Variants in DACH2 observed in about 807,000 individuals in gnomAD.
The protein encoded by DACH2 is dachshund family transcription factor 2.
Under a neutral mutation model 35.8 loss-of-function variants are expected in DACH2, and 17 were observed. The ratio of observed to expected loss-of-function variants is 0.48; its 90% CI spans 0.33 to 0.71. The LOEUF is 0.71. Among genes scored for constraint, DACH2 ranks in the 30% least tolerant of loss-of-function variants. DACH2 has a pLI of 0.02. For missense variants in DACH2, 469 were observed against 472.7 expected, an observed-to-expected ratio of 0.99 and a Z score of 0.07; for synonymous variants, 195 against 177.3, an observed-to-expected ratio of 1.10 and a Z score of -0.79.
intron 2 of DACH2, among the ~76,000 whole-genome samples, chrX:86,388,131 G>C (rs1242574195): frequency 8.9e-6 from 1 of 111,966 alleles, no homozygotes; most frequent in Non-Finnish European, 1.9e-5. Context: ...AGAAGAAGAG[G>C]AGCACCTGTG....
intron 2 of DACH2, among the ~76,000 whole-genome samples, chrX:86,489,492 T>C (rs2038064838): frequency 9.0e-6 from 1 of 111,145 alleles, no homozygotes; most frequent in Non-Finnish European, 1.9e-5. Flanking sequence ...ATATACTGTA[T>C]ACTTGAAAAT....
chrX:86,403,453 A>C (rs1180716517), intron 2 of DACH2, among the ~76,000 whole-genome samples: 2 of 112,207 alleles, frequency 1.8e-5, no homozygotes, highest in Non-Finnish European at 3.8e-5. Flanking sequence ...AGAGAAGTGC[A>C]AATCAAAACC....
chrX:86,579,741 AGT>A (rs2039479235), intron 3 of DACH2, among the ~76,000 whole-genome samples: 1 of 112,249 alleles, frequency 8.9e-6, no homozygotes, highest in African/African-American at 3.2e-5. Flanking sequence ...TTTTGCATAA[AGT>A]GTAAGGTTTA....
intron 3 of DACH2, among the ~76,000 whole-genome samples, chrX:86,588,927 C>T (rs772301381): frequency 5.0e-4 from 56 of 111,559 alleles, no homozygotes; most frequent in Non-Finnish European, 7.5e-4. Context: ...AGCTTGCATC[C>T]TCATGTTGTT....
intron 1 of DACH2, among the ~76,000 whole-genome samples, chrX:86,290,192 A>C (rs1260474831): frequency 1.3e-5 from 1 of 78,132 alleles, no homozygotes; most frequent in African/African-American, 5.3e-5. Flanking sequence ...GCATTTTTTC[A>C]TGTGTTTTTT....
At chrX:86,255,452 G>A (rs1439197968) in intron 1 of DACH2, among the ~76,000 whole-genome samples, 1 of 111,696 alleles carries the variant, frequency 9.0e-6, no homozygotes. Flanking sequence ...ATGAGATTCG[G>A]TTAGAAGAAG....
chrX:86,332,833 T>C, intron 1 of DACH2, among the ~76,000 whole-genome samples: 1 of 112,109 alleles, frequency 8.9e-6, no homozygotes, highest in Admixed American at 9.5e-5. Context: ...ACAAGTTTGT[T>C]TCATCTCACC....
At chrX:86,475,282 G>C (rs765786079) in intron 2 of DACH2, among the ~76,000 whole-genome samples, 16 of 111,412 alleles carry the variant, frequency 1.4e-4, no homozygotes, top group Non-Finnish European at 2.4e-4. Context: ...GCTTAGGGTA[G>C]TATGGACAAC....
chrX:86,199,075 G>T (rs1602276555), intron 1 of DACH2, among the ~76,000 whole-genome samples: 1 of 110,852 alleles, frequency 9.0e-6, no homozygotes, highest in African/African-American at 3.3e-5. Flanking sequence ...CCATGATCAA[G>T]TATGCTTTAT....
chrX:86,812,219 A>T (rs1368528062), intron 7 of DACH2, among the ~76,000 whole-genome samples: 1 of 112,072 alleles, frequency 8.9e-6, no homozygotes, highest in Non-Finnish European at 1.9e-5. Flanking sequence ...GTATCGTAGG[A>T]TTCTATTTAT....
intron 1 of DACH2, among the ~76,000 whole-genome samples, chrX:86,365,414 A>G (rs2035793277): frequency 9.0e-6 from 1 of 110,896 alleles, no homozygotes; most frequent in South Asian, 3.8e-4. Flanking sequence ...GAATACAATC[A>G]TCTTTAGGGA....
At chrX:86,466,438 A>G (rs777195733) in intron 2 of DACH2, among the ~76,000 whole-genome samples, 6 of 110,144 alleles carry the variant, frequency 5.4e-5, no homozygotes, top group Non-Finnish European at 7.6e-5. Flanking sequence ...GGGGACACAG[A>G]GCCAAACCAT....
At chrX:86,408,162 A>G (rs2036554935) in intron 2 of DACH2, among the ~76,000 whole-genome samples, 1 of 111,919 alleles carries the variant, frequency 8.9e-6, no homozygotes, top group African/African-American at 3.2e-5. Context: ...TGCACCCATT[A>G]GAAACTGTAT....
At chrX:86,346,550 A>T (rs953213718) in intron 1 of DACH2, among the ~76,000 whole-genome samples, 1 of 111,511 alleles carries the variant, frequency 9.0e-6, no homozygotes, top group Non-Finnish European at 1.9e-5. Context: ...AAAACCCCAA[A>T]AAACAAAACA....
intron 3 of DACH2, among the ~76,000 whole-genome samples, chrX:86,589,472 T>C (rs1320722095): frequency 9.0e-6 from 1 of 111,630 alleles, no homozygotes; most frequent in Non-Finnish European, 1.9e-5. Flanking sequence ...TATATGTCCC[T>C]CTTCATTTAC....
chrX:86,229,226 C>T (rs1289719954), intron 1 of DACH2, among the ~76,000 whole-genome samples: 1 of 111,633 alleles, frequency 9.0e-6, no homozygotes, highest in Non-Finnish European at 1.9e-5. Context: ...AAAAGGGTAT[C>T]CTTTCCTCAC....
At chrX:86,400,578 T>A (rs908008974) in intron 2 of DACH2, among the ~76,000 whole-genome samples, 6 of 112,065 alleles carry the variant, frequency 5.4e-5, no homozygotes, top group African/African-American at 2.0e-4. Context: ...CCTTTCTCTT[T>A]GTTAGTTTTT....
At chrX:86,206,810 C>A (rs73512097) in intron 1 of DACH2, among the ~76,000 whole-genome samples, 11,318 of 111,500 alleles carry the variant, frequency 0.1, 1,410 homozygotes, top group African/African-American at 0.35. Flanking sequence ...TCAAACCTAG[C>A]GTGTTGCCCA....
At chrX:86,270,024 TATATATATATATATA>T (rs1671387828) in intron 1 of DACH2, among the ~76,000 whole-genome samples, 1 of 94,598 alleles carries the variant, frequency 1.1e-5, no homozygotes, top group Non-Finnish European at 2.0e-5. Context: ...ATATATATAT[TATATATATATATATA>T]TTTTTTTTTT....
Sources: gnomAD v4.1 joint callset for allele counts (sites outside exome capture counted in the v4.1 genomes callset) on GRCh38, gnomAD v4.1.1 for gene constraint, MANE v1.5 for transcripts, NCBI Gene and HGNC (gene_info 2026-07-23, HGNC 2026-07-21) for gene names.